Variants in ABCA7 observed in about 807,000 individuals in gnomAD.
ABCA7 encodes phospholipid-transporting ATPase ABCA7.
ABCA7 carries 261 observed loss-of-function variants against 227.6 expected under a neutral mutation model. That is an observed-to-expected ratio of 1.15 (90% CI 1.04 to 1.27). The LOEUF is 1.27. Among genes scored for constraint, ABCA7 ranks in the 50% most tolerant of loss-of-function variants. The pLI, the probability that ABCA7 is intolerant of heterozygous loss-of-function variation, is 0.00. For synonymous variants in ABCA7, 1,488 were observed against 1,279.7 expected (o/e 1.16, Z -3.47); for missense variants, 3,331 against 2,924.5 (o/e 1.14, Z -3.21).
At chr19:1,046,435 C>A in intron 13 of ABCA7, 29 bp downstream of exon 13, 1 of 1,518,530 alleles carries the variant, frequency 6.6e-7, no homozygotes, top group South Asian at 1.3e-5. Context: ...CCCCGCTCTT[C>A]CCCGCGGCGG....
rs978850571 is a variant in ABCA7 at position 1,061,390 on chromosome 19, C to CAAAAAAAAAAAAA, written c.5464-382_5464-370dup. Among the ~76,000 whole-genome samples, 73 of 36,904 alleles carry CAAAAAAAAAAAAA rather than the reference C, an allele frequency of 2.0e-3. 7 individuals are homozygous for CAAAAAAAAAAAAA. Among genetic ancestry groups the CAAAAAAAAAAAAA allele is most frequent in the African/African-American group, 0.01 (72 of 7,068 alleles). 24.2% of individuals were successfully genotyped at this position (36,904 alleles called of 152,430 possible). A position where few individuals can be genotyped will look rare whatever the true frequency, so the allele number is the denominator to read the frequency against. On this transcript the variant is annotated intron_variant, in intron 40 of 46. Coordinates refer to ENST00000263094, the MANE Select transcript of ABCA7 (RefSeq NM_019112.4). Reference sequence around the variant, plus strand: ...GGGGTGACACAGCAAGGCTCCGTCTCAAAAAAAAAAAAAAAAAAAAAAGAG... The same window carrying CAAAAAAAAAAAAA: ...GGGGTGACACAGCAAGGCTCCGTCTCAAAAAAAAAAAAAAAAAAAAAAAAAAAAAAAAAAAGAG...
chr19:1,061,699 C>CAA (rs397859882), intron 40 of ABCA7, 83 bp from the exon 41 acceptor site: 18,236 of 1,048,848 alleles, frequency 0.017, 1 homozygote, highest in Non-Finnish European at 0.018. Context: ...AACTTGGTCT[C>CAA]AAAAAAAAAA....
At position 1,057,519 on chromosome 19, in the gene ABCA7, C is replaced by T. The variant is rs2042358089; in HGVS notation, c.4880+90C>T. The T allele has an allele frequency of 3.9e-6, 5 of 1,282,162 alleles. No homozygotes were observed. In the Admixed American group the frequency reaches 8.7e-5, roughly 22 times the overall value. The allele number at this position is 1,282,162 out of a possible 1,614,324, so 79.4% of individuals were successfully genotyped here. On this transcript the variant is annotated intron_variant, in intron 35 of 46. Transcript: ENST00000263094. ...GCTGAGATAGAACTCTGCAGTGACTCCCAAGGAGAGGATATGGAGGTCTGA... is the reference window on the plus strand; with the variant it reads ...GCTGAGATAGAACTCTGCAGTGACTTCCAAGGAGAGGATATGGAGGTCTGA...
intron 9 of ABCA7, 90 bp from the exon 10 acceptor site, chr19:1,043,635 C>A: frequency 6.6e-7 from 1 of 1,518,402 alleles, no homozygotes; most frequent in Non-Finnish European, 9.1e-7. Context: ...GGATCAGAGG[C>A]ACACGCAGGA....
At chr19:1,057,508 C>T in intron 35 of ABCA7, 79 bp downstream of exon 35, 2 of 1,347,396 alleles carry the variant, frequency 1.5e-6, no homozygotes, top group Admixed American at 3.4e-5. Context: ...AGATAGAACT[C>T]TGCAGTGACT....
intron 18 of ABCA7, 108 bp from the exon 19 acceptor site, chr19:1,050,813 A>G (rs2041533147): frequency 1.8e-6 from 1 of 565,778 alleles, no homozygotes; most frequent in Non-Finnish European, 2.4e-6. Context: ...TAATAATAAT[A>G]ATAATAAATA....
At chr19:1,041,678 C>T in intron 3 of ABCA7, 75 bp downstream of exon 3, 4 of 1,576,132 alleles carry the variant, frequency 2.5e-6, no homozygotes, top group Non-Finnish European at 3.5e-6. Flanking sequence ...CAGGAATCCC[C>T]CGTGCATGTC....
At position 1,041,939 on chromosome 19, in the gene ABCA7, A is replaced by G; in HGVS notation, c.269A>G (p.Glu90Gly). 6.3e-7 allele frequency: 1 copy of G among 1,592,042 alleles called. No homozygotes were observed. The highest frequency in any genetic ancestry group is 8.5e-7 in the Non-Finnish European group (1 of 1,174,728). The change falls in exon 4 of 47, where the codon GAG becomes GGG. Residue 90 changes from glutamate to glycine, a missense_variant. Coordinates refer to ENST00000263094, the MANE Select transcript of ABCA7 (RefSeq NM_019112.4). ...TCFPQLTPGE[E>G]PGRLSNFNDS... ...TTTCCGCAGCTGACACCGGGCGAGG[A>G]GCCCGGGCGCCTGAGCAACTTCAAC... is the stretch of plus-strand genomic sequence containing the variant.
rs374248440 is a variant in ABCA7 at position 1,054,053 on chromosome 19, G to A, written c.3520G>A (p.Val1174Ile). The change falls in exon 26 of 47, where the codon GTA becomes ATA. Residue 1174 changes from valine to isoleucine, a missense_variant. Physicochemically the swap from Val to Ile is conservative, Grantham distance 29 (BLOSUM62 3). Coordinates refer to ENST00000263094, the MANE Select transcript of ABCA7 (RefSeq NM_019112.4). The surrounding 1 kb of genome is among the most constrained non-coding windows in gnomAD (Gnocchi z 4.8). ...HLCTGIAGLD[V>I]TLRLKMPPQE... ...ATGCACAGGCATTGCTGGCCTAGAC[G>A]TAACCCTACGGCTCAAGATGCCGCC... The A allele has an allele frequency of 3.1e-6, 5 of 1,613,214 alleles. No individual in the cohort carries two copies. The highest frequency in any genetic ancestry group is 2.7e-5 in the African/African-American group (2 of 74,918).
chr19:1,044,500 G>A (rs1017309715), intron 10 of ABCA7, 77 bp from the exon 11 acceptor site: 27 of 1,510,562 alleles, frequency 1.8e-5, no homozygotes, highest in South Asian at 1.1e-4. Flanking sequence ...CACCCGCCTC[G>A]CCTCCCAAAG....
At chr19:1,042,426 C>T in intron 6 of ABCA7, 29 bp downstream of exon 6, 3 of 1,610,046 alleles carry the variant, frequency 1.9e-6, no homozygotes, top group Non-Finnish European at 2.5e-6. Flanking sequence ...ACCGCGCTGA[C>T]TTCCTGGGAC....
chr19:1,063,305 ACC>A lies in ABCA7; in HGVS notation c.5713-237_5713-236del, dbSNP rs1455595413. On this transcript the variant is annotated intron_variant, in intron 42 of 46. Transcript: ENST00000263094. ...CACCCACACTATGGCCCTGCCCCAC[ACC>A]CATCCCAGCTCCACCCACACCATGG... 6.4e-5 allele frequency among the ~76,000 whole-genome samples: 5 copies of A among 78,220 alleles called. 2 individuals are homozygous for A. Among genetic ancestry groups the A allele is most frequent in the African/African-American group, 1.0e-4 (2 of 19,618 alleles). The allele number at this position is 78,220 out of a possible 152,430, so 51.3% of individuals were successfully genotyped here. A position where few individuals can be genotyped will look rare whatever the true frequency, so the allele number is the denominator to read the frequency against.
chr19:1,060,799 T>A (rs1197912459), intron 40 of ABCA7, among the ~76,000 whole-genome samples: 2 of 152,006 alleles, frequency 1.3e-5, no homozygotes, highest in African/African-American at 4.8e-5. Context: ...GGGTTACAGG[T>A]GTGAGCCACT....
chr19:1,042,648 G>A, intron 6 of ABCA7, 98 bp from the exon 7 acceptor site: 1 of 1,273,138 alleles, frequency 7.9e-7, no homozygotes, highest in Non-Finnish European at 1.1e-6. Flanking sequence ...TTGTAAAGTG[G>A]GGGCTATGAT....
chr19:1,055,166 T>G lies in ABCA7; in HGVS notation c.4020T>G (p.Ser1340=). The G allele has an allele frequency of 6.2e-7, 1 of 1,612,476 alleles. No individual in the cohort carries two copies. The highest frequency in any genetic ancestry group is 1.7e-4 in the Middle Eastern group (1 of 6,058). ...VLASGNWTPE[S]PSPACQCSRP... ...CCAGTGGCAACTGGACCCCAGAGTCTCCATCCCCAGCCTGCCAGTGTAGCC... is the reference window on the plus strand; with the variant it reads ...CCAGTGGCAACTGGACCCCAGAGTCGCCATCCCCAGCCTGCCAGTGTAGCC... The change falls in exon 30 of 47, where the codon TCT becomes TCG. Residue 1340 remains serine, a synonymous_variant. Transcript: ENST00000263094.
intron 23 of ABCA7, among the ~76,000 whole-genome samples, chr19:1,052,840 G>A (rs1260729771): frequency 6.6e-6 from 1 of 151,896 alleles, no homozygotes; most frequent in Non-Finnish European, 1.5e-5. Context: ...AACCAGGGCT[G>A]AGCCCAGAGA....
At chr19:1,060,063 G>T (rs1343162544) in intron 40 of ABCA7, among the ~76,000 whole-genome samples, 1 of 152,040 alleles carries the variant, frequency 6.6e-6, no homozygotes, top group Non-Finnish European at 1.5e-5. Flanking sequence ...CATTTATCAG[G>T]CACCTGCTTT....
In ABCA7 at chr19:1,053,453, A is replaced by G. The variant is rs958226317; in HGVS notation, c.3345A>G (p.Thr1115=). The change falls in exon 24 of 47, where the codon ACA becomes ACG. Residue 1115 remains threonine (T), a synonymous_variant. Coordinates refer to ENST00000263094, the MANE Select transcript of ABCA7 (RefSeq NM_019112.4). The part of the protein sequence containing the change: ...YTGAHDGSFA[T]LFRELDTRLA... ...GTGCCCATGACGGCAGCTTCGCCAC[A>G]CTCTTCCGAGAGCTAGACACGCGGC... 47 of 1,599,672 alleles carry G rather than the reference A, an allele frequency of 2.9e-5. No homozygotes were observed. The highest frequency in any genetic ancestry group is 3.7e-5 in the Non-Finnish European group (44 of 1,175,398).
In ABCA7 at chr19:1,043,201, T is replaced by G; in HGVS notation, c.740T>G (p.Met247Arg). Residue 247 changes from methionine to arginine, a missense_variant, in exon 8 of 47, where the codon ATG becomes AGG. Met to Arg is a moderately conservative substitution (Grantham distance 91). Transcript: ENST00000263094. ...AACTGGTACGAGGCTAGTGACCTGA[T>G]GGAGCTGGTGGGGCAGGAGCCAGAA... ...SLNWYEASDL[M>R]ELVGQEPESA... The G allele has an allele frequency of 6.2e-7, 1 of 1,608,922 alleles. No homozygotes were observed. The highest frequency in any genetic ancestry group is 8.5e-7 in the Non-Finnish European group (1 of 1,176,694).
Sources: gnomAD v4.1 joint callset for allele counts (sites outside exome capture counted in the v4.1 genomes callset) on GRCh38, gnomAD v4.1.1 for gene constraint, Gnocchi (gnomAD v3.1) non-coding constraint, MANE v1.5 for transcripts, NCBI Gene and HGNC (gene_info 2026-07-23, HGNC 2026-07-21) for gene names.